The following PCBP3 variants were observed in gnomAD, a reference collection of about 807,000 sequenced individuals.
PCBP3 encodes poly(rC)-binding protein 3.
In PCBP3, 25 loss-of-function variants were observed where a neutral mutation model predicts 52.7. The ratio of observed to expected loss-of-function variants is 0.47; its 90% CI spans 0.35 to 0.66. PCBP3 has a LOEUF of 0.66. Ranked by LOEUF, PCBP3 falls within the 30% of genes least tolerant of loss-of-function variation. The probability of loss-of-function intolerance (pLI) is 0.01; values close to 1 mark genes in which losing one functional copy is unlikely to be tolerated. For missense variants in PCBP3, 391 were observed against 490.3 expected (o/e 0.80, Z 1.91); for synonymous variants, 162 against 183.0 (o/e 0.89, Z 0.93).
chr21:45,772,799 T>C (rs1305505108), intron 4 of PCBP3, among the ~76,000 whole-genome samples: 1 of 152,232 alleles, frequency 6.6e-6, no homozygotes, highest in Non-Finnish European at 1.5e-5. Flanking sequence ...CATCTCATTG[T>C]GGTTTTGATT....
intron 3 of PCBP3, chr21:45,750,783 G>C (rs1202039794): frequency 6.6e-6 from 1 of 152,080 alleles, no homozygotes; most frequent in African/African-American, 2.4e-5. Flanking sequence ...TATTGCTGTC[G>C]AGTGTCTTTG....
rs566054520 is a variant in PCBP3, at chr21:45,711,799, A to G, written c.-199-23593A>G. Among the ~76,000 whole-genome samples the G allele has an allele frequency of 3.3e-5, 5 of 152,352 alleles. No individual in the cohort carries two copies. The East Asian group carries it at 5.8e-4, about 18-fold the overall frequency. On this transcript the variant is annotated intron_variant, in intron 2 of 17. Coordinates refer to ENST00000681687, the MANE Select transcript of PCBP3 (RefSeq NM_001384156.1). ...TAAATGACGTTTTAAAATAAAGTAC[A>G]TACATTAAGGTTTAATTTTTGTGTT... is the stretch of plus-strand genomic sequence containing the variant.
Position 45,796,015 on chromosome 21 carries a change from A to G in PCBP3, c.-126+40563A>G, listed in dbSNP as rs111766679. On this transcript the variant is annotated intron_variant, in intron 4 of 17. Transcript: ENST00000681687. Reference sequence around the variant, plus strand: ...CAACGAAACTGCCTCAATGTATGTAATGAGTCTGAAAAGACCCGTAATTGT... The same window carrying G: ...CAACGAAACTGCCTCAATGTATGTAGTGAGTCTGAAAAGACCCGTAATTGT... Among the ~76,000 whole-genome samples, 561 of 152,318 alleles carry G rather than the reference A, an allele frequency of 3.7e-3. 1 individual carries two copies. The highest frequency in any genetic ancestry group is 6.8e-3 in the Middle Eastern group (2 of 294).
At chr21:45,714,089 C>T (rs2084043615) in intron 2 of PCBP3, among the ~76,000 whole-genome samples, 1 of 152,160 alleles carries the variant, frequency 6.6e-6, no homozygotes. Flanking sequence ...GAATGTACTG[C>T]CTATGCTCTG....
At chr21:45,752,956 A>T (rs1406426698) in intron 3 of PCBP3, 3 of 127,228 alleles carry the variant, frequency 2.4e-5, no homozygotes, top group Non-Finnish European at 4.8e-5. Context: ...CAACATAGCA[A>T]CCCTGTCTCT....
At chr21:45,856,513 G>T (rs1010384274) in intron 5 of PCBP3, among the ~76,000 whole-genome samples, 1 of 152,214 alleles carries the variant, frequency 6.6e-6, no homozygotes, top group Non-Finnish European at 1.5e-5. Context: ...TGAACGGCCT[G>T]GGCCATCCCC....
intron 4 of PCBP3, among the ~76,000 whole-genome samples, chr21:45,782,917 C>T (rs965229673): frequency 2.0e-5 from 3 of 152,214 alleles, no homozygotes; most frequent in South Asian, 2.1e-4. Context: ...ACTGCTGTGT[C>T]GCAGGTTACA....
At chr21:45,910,820 C>T in intron 10 of PCBP3, 82 bp from the exon 11 acceptor site, 1 of 1,417,870 alleles carries the variant, frequency 7.1e-7, no homozygotes, top group Non-Finnish European at 9.5e-7. Context: ...CCCCGAGCTG[C>T]CTTGGGTGCC....
chr21:45,867,862 A>G (rs2094810158), intron 5 of PCBP3, among the ~76,000 whole-genome samples: 1 of 152,270 alleles, frequency 6.6e-6, no homozygotes, highest in Non-Finnish European at 1.5e-5. Flanking sequence ...CACGCCGTGG[A>G]ATTCTGCTCT....
At chr21:45,879,064 C>T (rs1353977322) in intron 5 of PCBP3, among the ~76,000 whole-genome samples, 2 of 152,196 alleles carry the variant, frequency 1.3e-5, no homozygotes. Context: ...CAGCTCACTG[C>T]AGCCTCCATC....
chr21:45,893,666 C>G, intron 5 of PCBP3: 2 of 801,234 alleles, frequency 2.5e-6, no homozygotes, highest in Non-Finnish European at 2.9e-6. Context: ...GTGCCTGTCC[C>G]TTCTCCCTGT....
intron 4 of PCBP3, among the ~76,000 whole-genome samples, chr21:45,770,912 T>C (rs894365810): frequency 1.3e-5 from 2 of 152,262 alleles, no homozygotes; most frequent in Non-Finnish European, 2.9e-5. Flanking sequence ...TAGAACCCGC[T>C]GCCCATGCCG....
At chr21:45,753,612 TTTC>T (rs771507213) in intron 3 of PCBP3, among the ~76,000 whole-genome samples, 83 of 152,324 alleles carry the variant, frequency 5.4e-4, no homozygotes, top group Non-Finnish European at 1.1e-3. Context: ...TTAGCTCAAC[TTTC>T]TTATTTTTTC....
At chr21:45,721,821 C>T (rs1474157406) in intron 2 of PCBP3, among the ~76,000 whole-genome samples, 1 of 152,174 alleles carries the variant, frequency 6.6e-6, no homozygotes, top group Non-Finnish European at 1.5e-5. Context: ...TTGACGATCT[C>T]ATCTGCATGT....
At chr21:45,755,213 C>T (rs139959981) in intron 3 of PCBP3, among the ~76,000 whole-genome samples, 117 of 152,308 alleles carry the variant, frequency 7.7e-4, no homozygotes, top group Non-Finnish European at 1.2e-3. Flanking sequence ...GACATTTTGA[C>T]TCTGCTTTAT....
At chr21:45,889,622 G>C (rs564314690) in intron 5 of PCBP3, among the ~76,000 whole-genome samples, 1 of 152,226 alleles carries the variant, frequency 6.6e-6, no homozygotes, top group Non-Finnish European at 1.5e-5. Flanking sequence ...AGTTAGAGGC[G>C]GGGAGCTTCA....
At chr21:45,658,495 G>A (rs551532230) in intron 1 of PCBP3, among the ~76,000 whole-genome samples, 2 of 152,074 alleles carry the variant, frequency 1.3e-5, no homozygotes, top group African/African-American at 2.4e-5. Flanking sequence ...GTTGAGACAG[G>A]GTCTTACCAT....
chr21:45,905,736 C>T (rs1430693047), intron 9 of PCBP3, among the ~76,000 whole-genome samples: 3 of 152,180 alleles, frequency 2.0e-5, no homozygotes, highest in Non-Finnish European at 4.4e-5. Context: ...TACAAGGACA[C>T]CAGTCAGATT....
chr21:45,819,766 G>C (rs1307222864), intron 4 of PCBP3, among the ~76,000 whole-genome samples: 1 of 152,230 alleles, frequency 6.6e-6, no homozygotes, highest in Admixed American at 6.5e-5. Context: ...GCTGCTGGGC[G>C]CCTCTGTCCA....
Sources: gnomAD v4.1 joint callset for allele counts (sites outside exome capture counted in the v4.1 genomes callset) on GRCh38, gnomAD v4.1.1 for gene constraint, MANE v1.5 for transcripts, NCBI Gene and HGNC (gene_info 2026-07-23, HGNC 2026-07-21) for gene names.